The following IL1RAPL2 variants were observed in gnomAD, a reference collection of about 807,000 sequenced individuals.
IL1RAPL2 encodes the protein interleukin 1 receptor accessory protein like 2.
Under a neutral mutation model 44.1 loss-of-function variants are expected in IL1RAPL2, and 3 were observed. The ratio of observed to expected loss-of-function variants is 0.07; its 90% CI spans 0.03 to 0.18. IL1RAPL2 has a LOEUF of 0.18. Among genes scored for constraint, IL1RAPL2 ranks in the 10% least tolerant of loss-of-function variants. The pLI, the probability that IL1RAPL2 is intolerant of heterozygous loss-of-function variation, is 1.00. For synonymous variants in IL1RAPL2, 181 were observed against 178.8 expected, an observed-to-expected ratio of 1.01 and a Z score of -0.10; for missense variants, 391 against 496.4, an observed-to-expected ratio of 0.79 and a Z score of 2.02.
chrX:105,723,982 C>A (rs1026153224), intron 7 of IL1RAPL2, among the ~76,000 whole-genome samples: 10 of 111,193 alleles, frequency 9.0e-5, no homozygotes, highest in African/African-American at 3.3e-4. Context: ...TTGTGTTGTG[C>A]ACACATTTCA....
rs181987384 is a variant in IL1RAPL2, at chrX:105,272,978, C to T, written c.697+5437C>T. Among the ~76,000 whole-genome samples the T allele has an allele frequency of 8.9e-3, 985 of 111,043 alleles. 10 individuals are homozygous for T. Among genetic ancestry groups the T allele is most frequent in the Non-Finnish European group, 0.013 (705 of 52,989 alleles). ...TTCTACTGTTAATGCTGAGATTTTGCAGGGGAGGGTGAGTTTAGAAAAAAA... is the reference window on the plus strand; with the variant it reads ...TTCTACTGTTAATGCTGAGATTTTGTAGGGGAGGGTGAGTTTAGAAAAAAA... On this transcript the variant is annotated intron_variant, in intron 5 of 10. Transcript: ENST00000372582.
rs778106507 is a variant in IL1RAPL2, at chrX:104,895,725, G to T, written c.82+236730G>T. 2.7e-5 allele frequency among the ~76,000 whole-genome samples: 3 copies of T among 111,927 alleles called. No homozygotes were observed. The East Asian group carries it at 8.6e-4, about 32-fold the overall frequency. ...AGGAAAGAGAATTCCCTGACCCCTTGTTCTTCCCAGGTAAGGCAGTGCCTC... is the reference window on the plus strand; with the variant it reads ...AGGAAAGAGAATTCCCTGACCCCTTTTTCTTCCCAGGTAAGGCAGTGCCTC... On this transcript the variant is annotated intron_variant, in intron 2 of 10. Coordinates refer to ENST00000372582, the MANE Select transcript of IL1RAPL2 (RefSeq NM_017416.2).
intron 2 of IL1RAPL2, among the ~76,000 whole-genome samples, chrX:104,979,985 G>C (rs1225349723): frequency 1.8e-5 from 2 of 111,872 alleles, no homozygotes; most frequent in Non-Finnish European, 3.8e-5. Flanking sequence ...GAGAAATCCT[G>C]CTACAGATAT....
At chrX:104,577,770 C>G (rs1039226659) in intron 1 of IL1RAPL2, among the ~76,000 whole-genome samples, 3 of 110,920 alleles carry the variant, frequency 2.7e-5, no homozygotes, top group African/African-American at 9.9e-5. Flanking sequence ...GGATGGTAGC[C>G]TTGCAGGGGT....
intron 2 of IL1RAPL2, among the ~76,000 whole-genome samples, chrX:105,021,278 G>A (rs1174486778): frequency 9.0e-6 from 1 of 111,291 alleles, no homozygotes; most frequent in East Asian, 2.9e-4. Flanking sequence ...TGTGGCTCTA[G>A]GGCCATCTGA....
At chrX:105,301,087 A>G (rs1569420730) in intron 5 of IL1RAPL2, among the ~76,000 whole-genome samples, 1 of 111,763 alleles carries the variant, frequency 8.9e-6, no homozygotes, top group African/African-American at 3.3e-5. Flanking sequence ...GGTGTACTGT[A>G]GTTTCTTTTG....
chrX:104,793,314 A>G (rs900889942), intron 2 of IL1RAPL2, among the ~76,000 whole-genome samples: 1 of 112,293 alleles, frequency 8.9e-6, no homozygotes, highest in Non-Finnish European at 1.9e-5. Context: ...GTTAAGAAGA[A>G]CAAGGGCAGG....
intron 5 of IL1RAPL2, among the ~76,000 whole-genome samples, chrX:105,447,825 T>C (rs1167435523): frequency 3.3e-5 from 3 of 91,346 alleles, no homozygotes; most frequent in Non-Finnish European, 6.1e-5. Context: ...TATAAATATA[T>C]ATAAATATAT....
intron 2 of IL1RAPL2, among the ~76,000 whole-genome samples, chrX:104,935,847 G>A (rs1248011076): frequency 9.0e-6 from 1 of 111,332 alleles, no homozygotes; most frequent in Non-Finnish European, 1.9e-5. Flanking sequence ...TATTGTGACA[G>A]GGCAAGAATG....
intron 2 of IL1RAPL2, among the ~76,000 whole-genome samples, chrX:104,965,702 C>T (rs931832712): frequency 9.0e-6 from 1 of 111,235 alleles, no homozygotes; most frequent in African/African-American, 3.3e-5. Context: ...AAATAAGAAT[C>T]AGAAACATGA....
chrX:104,710,788 C>A (rs1248939911), intron 2 of IL1RAPL2, among the ~76,000 whole-genome samples: 1 of 111,235 alleles, frequency 9.0e-6, no homozygotes, highest in Non-Finnish European at 1.9e-5. Flanking sequence ...ACAATGCATT[C>A]CTCACCTGCT....
intron 2 of IL1RAPL2, among the ~76,000 whole-genome samples, chrX:104,918,966 G>T (rs1924544955): frequency 9.0e-6 from 1 of 111,607 alleles, no homozygotes; most frequent in Admixed American, 9.6e-5. Flanking sequence ...GGTTTGAAAA[G>T]AACCAAACTA....
chrX:104,981,055 TTGTGTGTGTGTG>T (rs199571900), intron 2 of IL1RAPL2, among the ~76,000 whole-genome samples: 14 of 97,399 alleles, frequency 1.4e-4, no homozygotes, highest in Non-Finnish European at 2.1e-4. Context: ...TTCCAAGGTA[TTGTGTGTGTGTG>T]TGTGTGTGTG....
intron 5 of IL1RAPL2, among the ~76,000 whole-genome samples, chrX:105,354,015 T>C (rs1406701845): frequency 9.0e-6 from 1 of 111,061 alleles, no homozygotes; most frequent in African/African-American, 3.3e-5. Flanking sequence ...TGTGCCAGTT[T>C]TCAAAGGGAA....
intron 2 of IL1RAPL2, among the ~76,000 whole-genome samples, chrX:104,847,175 T>A (rs1293850012): frequency 8.9e-6 from 1 of 112,205 alleles, no homozygotes; most frequent in Non-Finnish European, 1.9e-5. Flanking sequence ...TTCCTTTTGC[T>A]TTGCAGAAGC....
intron 2 of IL1RAPL2, among the ~76,000 whole-genome samples, chrX:104,962,192 C>G (rs2030021691): frequency 8.9e-6 from 1 of 111,973 alleles, no homozygotes; most frequent in Non-Finnish European, 1.9e-5. Flanking sequence ...AAAACATTGA[C>G]ATAGTTAAGT....
intron 6 of IL1RAPL2, among the ~76,000 whole-genome samples, chrX:105,544,845 C>G (rs1427006774): frequency 9.1e-6 from 1 of 110,236 alleles, no homozygotes. Flanking sequence ...TGTGTGTGCA[C>G]CAATTTAATT....
chrX:105,384,819 T>G (rs1261288888), intron 5 of IL1RAPL2, among the ~76,000 whole-genome samples: 1 of 111,234 alleles, frequency 9.0e-6, no homozygotes, highest in Non-Finnish European at 1.9e-5. Flanking sequence ...GTAAAGATCT[T>G]TCACTTCTTT....
At chrX:105,106,685 G>A (rs992886934) in intron 2 of IL1RAPL2, among the ~76,000 whole-genome samples, 5 of 110,654 alleles carry the variant, frequency 4.5e-5, no homozygotes, top group Non-Finnish European at 7.6e-5. Flanking sequence ...TAAAATAGTC[G>A]TGCTGAGGAA....
Sources: gnomAD v4.1 joint callset for allele counts (sites outside exome capture counted in the v4.1 genomes callset) on GRCh38, gnomAD v4.1.1 for gene constraint, MANE v1.5 for transcripts, NCBI Gene and HGNC (gene_info 2026-07-23, HGNC 2026-07-21) for gene names.